Variants in CCDC197 observed in about 807,000 individuals in gnomAD.
The protein encoded by CCDC197 is coiled-coil domain containing 197.
A neutral mutation model predicts 13.4 loss-of-function variants in CCDC197; 24 were observed. The ratio of observed to expected loss-of-function variants is 1.80; its 90% CI spans 1.30 to 2.53. The LOEUF (loss-of-function observed/expected upper bound fraction) is 2.53. Among genes scored for constraint, CCDC197 ranks in the 30% most tolerant of loss-of-function variants. The pLI, the probability that CCDC197 is intolerant of heterozygous loss-of-function variation, is 0.00. For missense variants in CCDC197, 255 were observed against 148.8 expected (o/e 1.71, Z -3.71); for synonymous variants, 99 against 55.5 (o/e 1.78, Z -3.48).
rs77281375 is a variant in CCDC197, at chr14:93,987,909, C to A, written c.-107+513C>A. On this transcript the variant is annotated intron_variant, in intron 1 of 7. Coordinates refer to the CCDC197 transcript ENST00000640978. The stretch of plus-strand genomic sequence containing the variant: ...ATAGACTTCCTACCCACAGGAGGTA[C>A]AGCCTCAGGGAGGACAGCGCGGGAG... Among the ~76,000 whole-genome samples, 1,286 of 139,742 alleles carry A rather than the reference C, an allele frequency of 9.2e-3. 25 individuals carry two copies. The highest frequency in any genetic ancestry group is 0.034 in the African/African-American group (1,218 of 36,294). The allele number at this position is 139,742 out of a possible 152,430, so 91.7% of individuals were successfully genotyped here.
In CCDC197 at chr14:94,001,191, G is replaced by A. The variant is rs780657544; in HGVS notation, c.234G>A (p.Thr78=). 4.1e-5 allele frequency: 32 copies of A among 780,468 alleles called. No homozygotes were observed. In the East Asian group the frequency reaches 4.9e-4, roughly 12 times the overall value. The allele number at this position is 780,468 out of a possible 1,614,324, so 48.3% of individuals were successfully genotyped here. A position where few individuals can be genotyped will look rare whatever the true frequency, so the allele number is the denominator to read the frequency against. ...CGGAGGAGGTGCTGGTGGAGGCCAC[G>A]GTGAAGCACTACGGGAAGCTCTTCA... The part of the protein sequence containing the change: ...EEPEEVLVEA[T]VKHYGKLFTA... The change falls in exon 4 of 7, where the codon ACG becomes ACA. Residue 78 remains threonine (T), a synonymous_variant. Transcript: ENST00000636493.
upstream of CCDC197, among the ~76,000 whole-genome samples, chr14:93,994,346 T>C (rs1890250500): frequency 6.6e-6 from 1 of 152,240 alleles, no homozygotes. Flanking sequence ...CTGTGTACCC[T>C]TGGGCAAGTT....
At chr14:94,008,398 C>T (rs1890744370) in intron 6 of CCDC197, among the ~76,000 whole-genome samples, 1 of 152,218 alleles carries the variant, frequency 6.6e-6, no homozygotes, top group Admixed American at 6.5e-5. Context: ...CCAGCTCTGT[C>T]ACTCCTGGCT....
intron 2 of CCDC197, 38 bp from the exon 3 acceptor site, chr14:93,999,545 G>A (rs746182772): frequency 2.6e-6 from 2 of 779,672 alleles, no homozygotes; most frequent in Non-Finnish European, 4.8e-6. Flanking sequence ...GCGTGACCTG[G>A]GAGCCTCCAG....
At chr14:93,995,470 T>C (rs1222781704), upstream of CCDC197, among the ~76,000 whole-genome samples, 1 of 152,158 alleles carries the variant, frequency 6.6e-6, no homozygotes, top group African/African-American at 2.4e-5. Flanking sequence ...CCTCAGCCTG[T>C]TGTCCCTGAG....
At chr14:93,987,719 G>T (rs774653258) in intron 1 of CCDC197, among the ~76,000 whole-genome samples, 19 of 152,158 alleles carry the variant, frequency 1.2e-4, no homozygotes, top group Non-Finnish European at 2.6e-4. Flanking sequence ...GCTTCCTAAC[G>T]GGCGGGAGTG....
Position 94,001,306 on chromosome 14 carries a change from C to G in CCDC197, c.349C>G (p.His117Asp). The G allele has an allele frequency of 1.3e-6, 1 of 776,530 alleles. No individual in the cohort carries two copies. The allele number at this position is 776,530 out of a possible 1,614,324, so 48.1% of individuals were successfully genotyped here. A position where few individuals can be genotyped will look rare whatever the true frequency, so the allele number is the denominator to read the frequency against. ...GAGCCTGGAGTCTCTGGAGGAGGACCACAGGGCTCTCATGTTGGTAACAGC... is the reference window on the plus strand; with the variant it reads ...GAGCCTGGAGTCTCTGGAGGAGGACGACAGGGCTCTCATGTTGGTAACAGC... ...HRSLESLEEDHRALMLSLKIR... is the reference protein window; with the variant it reads ...HRSLESLEEDDRALMLSLKIR... The change falls in exon 4 of 7, where the codon CAC becomes GAC. Residue 117 changes from histidine to aspartate, a missense_variant. His to Asp is a moderately conservative substitution (Grantham distance 81). Transcript: ENST00000636493.
chr14:93,993,950 CTTCTT>C (rs748518261), upstream of CCDC197, among the ~76,000 whole-genome samples: 3 of 152,166 alleles, frequency 2.0e-5, no homozygotes, highest in Admixed American at 6.5e-5. Flanking sequence ...CATTTCTTTT[CTTCTT>C]AAGTTCCTTT....
chr14:93,999,550 C>T (rs933332292), intron 2 of CCDC197, 33 bp from the exon 3 acceptor site: 2 of 780,052 alleles, frequency 2.6e-6, no homozygotes, highest in African/African-American at 1.7e-5. Context: ...ACCTGGGAGC[C>T]TCCAGGCCAT....
At chr14:93,998,524 A>G (rs1335711507) in intron 2 of CCDC197, among the ~76,000 whole-genome samples, 4 of 152,058 alleles carry the variant, frequency 2.6e-5, no homozygotes, top group African/African-American at 4.8e-5. Flanking sequence ...ATCCGTCTGC[A>G]CCTGTCCACT....
rs1158175887 is a variant in CCDC197 at position 94,004,886 on chromosome 14, T to C, written c.530T>C (p.Ile177Thr). The C allele has an allele frequency of 4.3e-6, 3 of 702,822 alleles. No individual in the cohort carries two copies. Among genetic ancestry groups the C allele is most frequent in the African/African-American group, 3.5e-5 (2 of 57,246 alleles). 43.5% of individuals were successfully genotyped at this position (702,822 alleles called of 1,614,324 possible). A position where few individuals can be genotyped will look rare whatever the true frequency, so the allele number is the denominator to read the frequency against. The change falls in exon 6 of 7, where the codon ATC becomes ACC. Residue 177 changes from isoleucine (I) to threonine (T), a missense_variant. Transcript: ENST00000636493. ...DQLLGYMQMT[I>T]TNMARQCCPS... ...CTGCTCGGCTACATGCAAATGACCA[T>C]CACCAACATGGCCCGGCAGTGCTGC...
At chr14:93,998,349 G>A (rs548023860) in intron 2 of CCDC197, 114 bp downstream of exon 2, 5 of 681,836 alleles carry the variant, frequency 7.3e-6, no homozygotes, top group Non-Finnish European at 1.3e-5. Context: ...GGTGGATGAG[G>A]AGGGCAGTGT....
At chr14:93,987,276 T>TA (rs1478433915) in exon 1 of CCDC197, 12 of 152,304 alleles carry the variant, frequency 7.9e-5, no homozygotes, top group African/African-American at 2.9e-4. Context: ...TGCAGAGGCC[T>TA]TCAGATGATC....
chr14:94,001,961 C>T (rs1486336894), intron 4 of CCDC197, among the ~76,000 whole-genome samples: 1 of 152,166 alleles, frequency 6.6e-6, no homozygotes, highest in Admixed American at 6.5e-5. Context: ...GCATCTGCCC[C>T]CTAGTGGCAG....
chr14:93,998,269 C>G, intron 2 of CCDC197, 34 bp downstream of exon 2: 1 of 765,170 alleles, frequency 1.3e-6, no homozygotes, highest in Admixed American at 1.7e-5. Flanking sequence ...CCAGCCCCAG[C>G]CCCAGTGCTT....
At chr14:93,987,984 T>C (rs1478762153) in intron 1 of CCDC197, among the ~76,000 whole-genome samples, 1 of 86,018 alleles carries the variant, frequency 1.2e-5, no homozygotes, top group East Asian at 3.0e-4. Flanking sequence ...GGAGAAACAG[T>C]AGGGAGGTGG....
chr14:94,007,677 G>A (rs1361695194), intron 6 of CCDC197: 1 of 152,178 alleles, frequency 6.6e-6, no homozygotes, highest in South Asian at 2.1e-4. Context: ...CCTAGGCTCA[G>A]AGGCATCATC....
At chr14:93,996,151 A>C (rs987411971), upstream of CCDC197, among the ~76,000 whole-genome samples, 12 of 151,654 alleles carry the variant, frequency 7.9e-5, no homozygotes, top group Non-Finnish European at 1.6e-4. Flanking sequence ...GGGCAACCCC[A>C]GCCCCTGAGC....
rs141076161 is a variant in CCDC197, at chr14:94,000,382, C to T, written c.187+717C>T. The stretch of plus-strand genomic sequence containing the variant: ...GCTCAGACTCTGGTCCGTCTGACTT[C>T]ATAGCCACTGTACTAAGTGCTAGAA... On this transcript the variant is annotated intron_variant, in intron 3 of 6. Coordinates refer to ENST00000636493, the MANE Select transcript of CCDC197 (RefSeq NM_001351596.2). Among the ~76,000 whole-genome samples the T allele has an allele frequency of 6.9e-3, 1,049 of 152,276 alleles. 13 individuals carry two copies. The highest frequency in any genetic ancestry group is 0.024 in the African/African-American group (1,009 of 41,526).
Sources: allele counts gnomAD v4.1 joint callset (sites outside exome capture counted in the v4.1 genomes callset), GRCh38; gene constraint gnomAD v4.1.1; transcripts MANE v1.5; gene names NCBI Gene and HGNC (gene_info 2026-07-23, HGNC 2026-07-21).